LIMD1: variants seen among roughly 807,000 people sequenced by gnomAD.
LIMD1 encodes the protein LIM domain-containing protein 1.
In LIMD1, 23 loss-of-function variants were observed where a neutral mutation model predicts 58.4. The observed-to-expected ratio is 0.39, with a 90% CI of 0.28 to 0.56. The LOEUF (loss-of-function observed/expected upper bound fraction) is 0.56, where lower values mean the gene tolerates loss of function less well. Ranked by LOEUF, LIMD1 falls within the 20% of genes least tolerant of loss-of-function variation. The pLI is 0.57. For synonymous variants in LIMD1, 334 were observed against 345.5 expected (o/e 0.97, Z 0.37); for missense variants, 838 against 855.5 (o/e 0.98, Z 0.25).
rs1397921586 is a variant in LIMD1, at chr3:45,683,263, A to C, written c.*6204A>C. On this transcript the variant is annotated 3_prime_UTR_variant, in exon 8 of 8. Transcript: ENST00000273317. ...TCTGAAGGGGAGGGAAGCAGGAGAT[A>C]GGGTCTGGAGGCATGGAATTGGCTT... 6.6e-6 allele frequency: 1 copy of C among 152,236 alleles called. No individual in the cohort carries two copies. Among genetic ancestry groups the C allele is most frequent in the African/African-American group, 2.4e-5 (1 of 41,448 alleles). The allele number at this position is 152,236 out of a possible 1,614,324, so 9.4% of individuals were successfully genotyped here. A position where few individuals can be genotyped will look rare whatever the true frequency, so the allele number is the denominator to read the frequency against.
intron 1 of LIMD1, among the ~76,000 whole-genome samples, chr3:45,622,813 C>T (rs559020667): frequency 5.9e-5 from 9 of 152,134 alleles, no homozygotes; most frequent in Admixed American, 3.3e-4. Context: ...GGACTACAGG[C>T]GTGGCTACTG....
At chr3:45,668,684 C>T (rs1263984385) in intron 4 of LIMD1, among the ~76,000 whole-genome samples, 9 of 151,200 alleles carry the variant, frequency 6.0e-5, no homozygotes, top group Admixed American at 5.9e-4. Context: ...ACCCTGGAGG[C>T]GGAGTTTGCA....
intron 1 of LIMD1, among the ~76,000 whole-genome samples, chr3:45,607,625 A>C (rs1163117505): frequency 1.3e-5 from 2 of 152,090 alleles, no homozygotes; most frequent in Non-Finnish European, 2.9e-5. Context: ...TCCTCCCTGC[A>C]GCTAGTTCTG....
intron 1 of LIMD1, among the ~76,000 whole-genome samples, chr3:45,597,109 C>T (rs1381939459): frequency 6.6e-6 from 1 of 152,158 alleles, no homozygotes; most frequent in Non-Finnish European, 1.5e-5. Flanking sequence ...ATCCGCCCGC[C>T]TTGGCCTCCC....
chr3:45,676,147 CAGG>C (rs898711765), intron 7 of LIMD1, among the ~76,000 whole-genome samples: 2 of 152,056 alleles, frequency 1.3e-5, no homozygotes, highest in Non-Finnish European at 2.9e-5. Context: ...GAGGCTGAGA[CAGG>C]AGAATTCCTT....
chr3:45,665,029 T>G (rs1697497974), intron 2 of LIMD1, among the ~76,000 whole-genome samples: 1 of 152,112 alleles, frequency 6.6e-6, no homozygotes, highest in Non-Finnish European at 1.5e-5. Context: ...GATGTTTACC[T>G]GTGTTAGCCT....
chr3:45,614,405 TAGTTA>T (rs1231694955), intron 1 of LIMD1, among the ~76,000 whole-genome samples: 1 of 139,634 alleles, frequency 7.2e-6, no homozygotes, highest in African/African-American at 2.7e-5. Context: ...CGGGCACCTG[TAGTTA>T]AAAAAAAAAA....
At chr3:45,624,322 A>G (rs930264549) in intron 1 of LIMD1, among the ~76,000 whole-genome samples, 4 of 151,990 alleles carry the variant, frequency 2.6e-5, no homozygotes, top group Admixed American at 6.6e-5. Flanking sequence ...CTTCACTGAG[A>G]GGGAAGTGGC....
At position 45,672,741 on chromosome 3, in the gene LIMD1, A is replaced by G; in HGVS notation, c.1693A>G (p.Ile565Val). 6.2e-7 allele frequency: 1 copy of G among 1,614,070 alleles called. No individual in the cohort carries two copies. The highest frequency in any genetic ancestry group is 1.1e-5 in the South Asian group (1 of 91,074). Residue 565 changes from isoleucine (I) to valine (V), a missense_variant, in exon 5 of 8, where the codon ATC (isoleucine) becomes GTC (valine). This residue lies in a region of LIMD1 where 174 missense variants were observed against 197.4 expected (regional missense o/e 0.88). Transcript: ENST00000273317. The part of the protein sequence containing the change: ...SYHPGCFRCV[I>V]CNECLDGVPF... ...CCACCCCGGCTGTTTCCGCTGTGTC[A>G]TCTGTAATGAGTGTTTGGATGGGGT...
At chr3:45,600,333 T>G (rs1373851740) in intron 1 of LIMD1, among the ~76,000 whole-genome samples, 1 of 152,150 alleles carries the variant, frequency 6.6e-6, no homozygotes, top group Non-Finnish European at 1.5e-5. Flanking sequence ...TGGGAAGAGC[T>G]TGTGAATCCC....
intron 2 of LIMD1, among the ~76,000 whole-genome samples, chr3:45,662,983 CA>C (rs200455107): frequency 3.1e-4 from 39 of 126,532 alleles, no homozygotes; most frequent in South Asian, 1.0e-3. Context: ...GACTCCGTCT[CA>C]AAAAAAAAAA....
chr3:45,595,163 G>T lies in LIMD1; in HGVS notation c.284G>T (p.Ser95Ile), dbSNP rs1367803198. The change falls in exon 1 of 8, where the codon AGC becomes ATC. Residue 95 changes from serine (S) to isoleucine (I), a missense_variant. By Grantham distance (142) the Ser-to-Ile change is moderately radical. This residue lies in a region of LIMD1 where 659 missense variants were observed against 639.8 expected (regional missense o/e 1.03). Transcript: ENST00000273317. ...CAGGCCCGTTGGGAAGTTGTGGGCA[G>T]CAAGCTGACTGTGGATGGTGCTGCC... ...GPQARWEVVG[S>I]KLTVDGAAKP... 2 of 1,605,006 alleles carry T rather than the reference G, an allele frequency of 1.2e-6. No individual in the cohort carries two copies. The highest frequency in any genetic ancestry group is 2.7e-5 in the African/African-American group (2 of 74,930).
chr3:45,595,640 G>A lies in LIMD1; in HGVS notation c.761G>A (p.Arg254His), dbSNP rs748252398. The A allele has an allele frequency of 1.4e-5, 22 of 1,614,010 alleles. No individual in the cohort carries two copies. The highest frequency in any genetic ancestry group is 1.4e-5 in the Non-Finnish European group (17 of 1,180,038). ...LGGQNSGIGGRSSEKPTGLWS... is the reference protein window; with the variant it reads ...LGGQNSGIGGHSSEKPTGLWS... ...GGTCAGAATAGTGGCATTGGTGGCC[G>A]CAGCAGCGAGAAGCCAACAGGCCTT... The change falls in exon 1 of 8, where the codon CGC becomes CAC. Residue 254 changes from arginine to histidine, a missense_variant. Coordinates refer to ENST00000273317, the MANE Select transcript of LIMD1 (RefSeq NM_014240.3).
chr3:45,609,560 G>A (rs1701504100), intron 1 of LIMD1, among the ~76,000 whole-genome samples: 1 of 152,164 alleles, frequency 6.6e-6, no homozygotes, highest in Non-Finnish European at 1.5e-5. Context: ...TCCTGAAGCT[G>A]GAGTTGTGGG....
intron 1 of LIMD1, among the ~76,000 whole-genome samples, chr3:45,607,051 C>T (rs1701474488): frequency 6.6e-6 from 1 of 152,186 alleles, no homozygotes; most frequent in South Asian, 2.1e-4. Context: ...GCCTTGGCCT[C>T]TCAAAGTGCT....
intron 2 of LIMD1, among the ~76,000 whole-genome samples, chr3:45,659,107 A>G (rs937767622): frequency 1.3e-5 from 2 of 152,196 alleles, no homozygotes; most frequent in African/African-American, 4.8e-5. Flanking sequence ...CTCTAATACC[A>G]TCTGTCACTG....
At chr3:45,635,540 T>TA (rs2125658223) in intron 1 of LIMD1, among the ~76,000 whole-genome samples, 1 of 151,848 alleles carries the variant, frequency 6.6e-6, no homozygotes, top group South Asian at 2.1e-4. Flanking sequence ...ATACTTTTTG[T>TA]AAAAATTGAG....
At chr3:45,663,652 G>T (rs996277334) in intron 2 of LIMD1, among the ~76,000 whole-genome samples, 1 of 152,046 alleles carries the variant, frequency 6.6e-6, no homozygotes, top group Non-Finnish European at 1.5e-5. Context: ...CCTGCCCTTT[G>T]CTCATTTCCC....
chr3:45,657,974 A>G (rs1432077313), intron 2 of LIMD1, among the ~76,000 whole-genome samples: 2 of 152,170 alleles, frequency 1.3e-5, no homozygotes, highest in Non-Finnish European at 2.9e-5. Flanking sequence ...TGAGTAGGAA[A>G]TGACTTTGTG....
Sources: gnomAD v4.1 joint callset for allele counts (sites outside exome capture counted in the v4.1 genomes callset) on GRCh38, gnomAD v4.1.1 for gene constraint, gnomAD v4.1.1 regional missense constraint, MANE v1.5 for transcripts, NCBI Gene and HGNC (gene_info 2026-07-23, HGNC 2026-07-21) for gene names.